RTN1: variants seen among roughly 807,000 people sequenced by gnomAD.
RTN1 encodes the protein reticulon 1, also known as reticulon-1.
A neutral mutation model predicts 65.5 loss-of-function variants in RTN1; 25 were observed. That is an observed-to-expected ratio of 0.38 (90% confidence interval 0.28 to 0.53). RTN1 has a LOEUF of 0.53. RTN1 is among the 20% of genes least tolerant of loss of function. The pLI is 0.79. For missense variants in RTN1, 983 were observed against 1,025.4 expected, an observed-to-expected ratio of 0.96 and a Z score of 0.57; for synonymous variants, 471 against 447.6, an observed-to-expected ratio of 1.05 and a Z score of -0.66.
chr14:59,843,664 G>A (rs1887354968), intron 1 of RTN1, among the ~76,000 whole-genome samples: 1 of 152,188 alleles, frequency 6.6e-6, no homozygotes, highest in Non-Finnish European at 1.5e-5. Context: ...GATTTGAAAA[G>A]TGCATTTGTG....
intron 3 of RTN1, among the ~76,000 whole-genome samples, chr14:59,683,517 G>C (rs919111274): frequency 3.3e-5 from 5 of 151,134 alleles, no homozygotes; most frequent in African/African-American, 1.2e-4. Flanking sequence ...TAATATACTT[G>C]CCTAAGATCC....
At chr14:59,602,499 C>T (rs375620413) in intron 8 of RTN1, among the ~76,000 whole-genome samples, 7 of 151,954 alleles carry the variant, frequency 4.6e-5, no homozygotes, top group Non-Finnish European at 7.4e-5. Context: ...TATAAGGGAG[C>T]CATAAAGTAA....
chr14:59,652,949 G>A (rs371081867), intron 3 of RTN1, among the ~76,000 whole-genome samples: 1 of 152,160 alleles, frequency 6.6e-6, no homozygotes, highest in East Asian at 1.9e-4. Context: ...GGGTATTAAT[G>A]TAGGTATAAT....
intron 3 of RTN1, among the ~76,000 whole-genome samples, chr14:59,672,083 T>C (rs111581652): frequency 2.8e-3 from 423 of 152,292 alleles, no homozygotes; most frequent in Non-Finnish European, 4.1e-3. Context: ...CTTTAGGATG[T>C]GAATCTAGTC....
chr14:59,610,509 A>G (rs1447219009), intron 3 of RTN1, among the ~76,000 whole-genome samples: 1 of 152,224 alleles, frequency 6.6e-6, no homozygotes, highest in Admixed American at 6.5e-5. Flanking sequence ...TGAGGAAACT[A>G]AACTTTTAAA....
rs539779436 is a variant in RTN1 at position 59,699,462 on chromosome 14, C to T, written c.1765+27457G>A. Among the ~76,000 whole-genome samples the T allele has an allele frequency of 7.9e-5, 12 of 152,152 alleles. No individual in the cohort carries two copies. In the South Asian group the frequency reaches 2.1e-3, roughly 26 times the overall value. On this transcript the variant is annotated intron_variant, in intron 3 of 8. Transcript: ENST00000267484. ...TGAGTAACATATTTTTCTGCACTTA[C>T]ATTTTTATGAAAAAAATTGTATAAA...
At chr14:59,701,573 A>G (rs955792882) in intron 3 of RTN1, among the ~76,000 whole-genome samples, 2 of 152,196 alleles carry the variant, frequency 1.3e-5, no homozygotes, top group African/African-American at 4.8e-5. Context: ...GAAGCCAAAC[A>G]CAAAAGGCCA....
intron 1 of RTN1, among the ~76,000 whole-genome samples, chr14:59,865,306 C>T (rs560010122): frequency 6.6e-6 from 1 of 152,242 alleles, no homozygotes; most frequent in African/African-American, 2.4e-5. Context: ...TAGTCTTATT[C>T]TCCAAAGATA....
At chr14:59,800,382 T>C (rs1217806375) in intron 1 of RTN1, among the ~76,000 whole-genome samples, 1 of 152,206 alleles carries the variant, frequency 6.6e-6, no homozygotes, top group Non-Finnish European at 1.5e-5. Flanking sequence ...AACACAAAAA[T>C]ACATCTTTTT....
chr14:59,624,118 T>C (rs1882328468), intron 3 of RTN1, among the ~76,000 whole-genome samples: 1 of 152,342 alleles, frequency 6.6e-6, no homozygotes, highest in South Asian at 2.1e-4. Flanking sequence ...ATTATGTTTT[T>C]TCCTTTGGCA....
chr14:59,810,152 A>T (rs1342631724), intron 1 of RTN1, among the ~76,000 whole-genome samples: 1 of 152,192 alleles, frequency 6.6e-6, no homozygotes, highest in Non-Finnish European at 1.5e-5. Flanking sequence ...TTTGTATAGC[A>T]ACAGCCTTGG....
intron 2 of RTN1, among the ~76,000 whole-genome samples, chr14:59,731,218 T>C (rs1287713692): frequency 6.6e-6 from 1 of 152,196 alleles, no homozygotes; most frequent in Non-Finnish European, 1.5e-5. Flanking sequence ...CATGGCTAAA[T>C]ATTAAAAACA....
At chr14:59,630,774 C>T (rs1335013180) in intron 3 of RTN1, 6 of 1,065,140 alleles carry the variant, frequency 5.6e-6, no homozygotes, top group Middle Eastern at 4.3e-4. Flanking sequence ...GTTGGCTGGG[C>T]TGCCCAAGGG....
chr14:59,840,417 T>G (rs550186952), intron 1 of RTN1, among the ~76,000 whole-genome samples: 1 of 152,330 alleles, frequency 6.6e-6, no homozygotes, highest in South Asian at 2.1e-4. Flanking sequence ...AGTGACTAGC[T>G]CCTTCTTTTT....
At chr14:59,843,682 G>A (rs1887355332) in intron 1 of RTN1, among the ~76,000 whole-genome samples, 1 of 152,144 alleles carries the variant, frequency 6.6e-6, no homozygotes, top group Admixed American at 6.5e-5. Flanking sequence ...GTGAAAGAGT[G>A]GGAGAAATTT....
At chr14:59,752,370 C>T in intron 1 of RTN1, among the ~76,000 whole-genome samples, 1 of 151,962 alleles carries the variant, frequency 6.6e-6, no homozygotes, top group East Asian at 1.9e-4. Context: ...TCTGGGGCCA[C>T]TTTTATAAGG....
intron 3 of RTN1, among the ~76,000 whole-genome samples, chr14:59,715,077 G>C (rs1386782409): frequency 6.6e-6 from 1 of 152,174 alleles, no homozygotes; most frequent in Non-Finnish European, 1.5e-5. Flanking sequence ...TGGAAAAACT[G>C]TCTTCCATGA....
chr14:59,764,956 C>G (rs758606497), intron 1 of RTN1, among the ~76,000 whole-genome samples: 1 of 152,098 alleles, frequency 6.6e-6, no homozygotes, highest in Non-Finnish European at 1.5e-5. Context: ...TTTTGCTATT[C>G]TAAACACTGC....
At chr14:59,843,490 T>C (rs1887351532) in intron 1 of RTN1, among the ~76,000 whole-genome samples, 1 of 152,230 alleles carries the variant, frequency 6.6e-6, no homozygotes, top group Non-Finnish European at 1.5e-5. Flanking sequence ...ATGGTATAAT[T>C]AAGTTAAATC....
Sources: gnomAD v4.1 joint callset for allele counts (sites outside exome capture counted in the v4.1 genomes callset) on GRCh38, gnomAD v4.1.1 for gene constraint, MANE v1.5 for transcripts, NCBI Gene and HGNC (gene_info 2026-07-23, HGNC 2026-07-21) for gene names.